Variants in JMJD1C observed in about 807,000 individuals in gnomAD.
The protein encoded by JMJD1C is jumonji domain-containing protein 1C.
A neutral mutation model predicts 245.3 loss-of-function variants in JMJD1C; 31 were observed. The ratio of observed to expected loss-of-function variants is 0.13; its 90% confidence interval spans 0.09 to 0.17. The LOEUF (loss-of-function observed/expected upper bound fraction) is 0.17. Among genes scored for constraint, JMJD1C ranks in the 10% least tolerant of loss-of-function variants. The pLI is 1.00. For synonymous variants in JMJD1C, 1,057 were observed against 1,017.4 expected, an observed-to-expected ratio of 1.04 and a Z score of -0.74; for missense variants, 2,691 against 3,000.2, an observed-to-expected ratio of 0.90 and a Z score of 2.41.
intron 1 of JMJD1C, among the ~76,000 whole-genome samples, chr10:63,388,784 A>G (rs1947823643): frequency 6.6e-6 from 1 of 152,224 alleles, no homozygotes; most frequent in South Asian, 2.1e-4. Context: ...TATGCTGCCC[A>G]AAAGAAACTC....
chr10:63,473,455 C>T (rs1185188119), intron 1 of JMJD1C, among the ~76,000 whole-genome samples: 1 of 151,590 alleles, frequency 6.6e-6, no homozygotes, highest in Non-Finnish European at 1.5e-5. Flanking sequence ...CTATGTTGGC[C>T]AGGCTAGTCT....
Position 63,207,227 on chromosome 10 carries a change from T to C in JMJD1C, c.4442A>G (p.His1481Arg). Residue 1481 changes from histidine to arginine, a missense_variant, in exon 10 of 26, where the codon CAT becomes CGT. By Grantham distance (29) the His-to-Arg change is conservative (BLOSUM62 0). Around this residue, in one of 9 missense-constraint regions of JMJD1C, gnomAD observed 1,562 missense variants for 1,490.7 expected, o/e 1.05. Transcript: ENST00000399262. ...SGFSGTTDFIHLKKHKAALAA... is the reference protein window; with the variant it reads ...SGFSGTTDFIRLKKHKAALAA... ...CAATGCTGCCTTGTGCTTTTTTAAA[T>C]GGATAAAATCAGTTGTGCCTGAGAA... 2 of 1,614,178 alleles carry C rather than the reference T, an allele frequency of 1.2e-6. No individual in the cohort carries two copies. The highest frequency in any genetic ancestry group is 1.7e-6 in the Non-Finnish European group (2 of 1,180,032).
intron 1 of JMJD1C, among the ~76,000 whole-genome samples, chr10:63,445,468 G>A (rs1011182056): frequency 6.6e-6 from 1 of 152,140 alleles, no homozygotes; most frequent in Admixed American, 6.5e-5. Context: ...GCCATAAGGG[G>A]AGACCAGACC....
At chr10:63,292,371 G>T (rs1325365429) in intron 2 of JMJD1C, among the ~76,000 whole-genome samples, 1 of 151,778 alleles carries the variant, frequency 6.6e-6, no homozygotes, top group Non-Finnish European at 1.5e-5. Flanking sequence ...CAACACTTTG[G>T]GGGGCCAAGG....
Position 63,312,086 on chromosome 10 carries a change from T to C in JMJD1C, c.334-47322A>G, listed in dbSNP as rs201682771. Among the ~76,000 whole-genome samples, 344 of 148,102 alleles carry C rather than the reference T, an allele frequency of 2.3e-3. 3 individuals carry two copies. The South Asian group carries it at 0.029, about 13-fold the overall frequency. ...TCCCCAGACATGGATTTATGACTAG[T>C]AGCTAAACTTTTTTTTTTTTTTTTT... On this transcript the variant is annotated intron_variant, in intron 2 of 25. Coordinates refer to ENST00000399262, the MANE Select transcript of JMJD1C (RefSeq NM_032776.3).
At chr10:63,387,628 A>ATTTTTTTTTTTTTTTTTTTTTTTTTTT (rs1564863555) in intron 1 of JMJD1C, among the ~76,000 whole-genome samples, 1 of 18,526 alleles carries the variant, frequency 5.4e-5, no homozygotes, top group African/African-American at 1.0e-4. Flanking sequence ...AGAAAAAAAA[A>ATTTTTTTTTTTTTTTTTTTTTTTTTTT]ATTTTTTTTT....
At chr10:63,217,689 G>A (rs1848155641) in intron 4 of JMJD1C, 1 of 154,900 alleles carries the variant, frequency 6.5e-6, no homozygotes, top group Non-Finnish European at 1.4e-5. Context: ...CTACATGGTT[G>A]AAACAGAAAG....
intron 2 of JMJD1C, among the ~76,000 whole-genome samples, chr10:63,314,741 G>A (rs1256552011): frequency 6.6e-6 from 1 of 151,700 alleles, no homozygotes; most frequent in African/African-American, 2.4e-5. Context: ...TCCACCACCT[G>A]GGTTCAAGCG....
At chr10:63,311,849 T>C (rs554614747) in intron 2 of JMJD1C, among the ~76,000 whole-genome samples, 1 of 152,022 alleles carries the variant, frequency 6.6e-6, no homozygotes, top group South Asian at 2.1e-4. Flanking sequence ...TGGTCTGGAA[T>C]AAGTAGGCAA....
rs372354793 is a variant in JMJD1C, at chr10:63,263,965, C to T, written c.447+686G>A. Reference sequence around the variant, plus strand: ...AAAAAAAAAAAAATACACATACACACACACACACACACACACACACACACA... The same window carrying T: ...AAAAAAAAAAAAATACACATACACATACACACACACACACACACACACACA... On this transcript the variant is annotated intron_variant, in intron 3 of 25. Transcript: ENST00000399262. Among the ~76,000 whole-genome samples the T allele has an allele frequency of 4.6e-3, 351 of 76,404 alleles. 1 individual carries two copies. Among genetic ancestry groups the T allele is most frequent in the African/African-American group, 0.023 (325 of 13,880 alleles). 50.1% of individuals were successfully genotyped at this position (76,404 alleles called of 152,430 possible). A position where few individuals can be genotyped will look rare whatever the true frequency, so the allele number is the denominator to read the frequency against.
At chr10:63,195,676 C>T (rs1224325690) in intron 13 of JMJD1C, among the ~76,000 whole-genome samples, 3 of 152,146 alleles carry the variant, frequency 2.0e-5, no homozygotes, top group Admixed American at 6.5e-5. Flanking sequence ...CATGGTGGCT[C>T]ACGCTTGTAA....
At chr10:63,396,875 T>A (rs1383005249) in intron 1 of JMJD1C, among the ~76,000 whole-genome samples, 1 of 151,158 alleles carries the variant, frequency 6.6e-6, no homozygotes, top group Non-Finnish European at 1.5e-5. Context: ...TCATAGAAAT[T>A]TTCATTTTTT....
At position 63,314,210 on chromosome 10, in the gene JMJD1C, G is replaced by A. The variant is rs575498294; in HGVS notation, c.334-49446C>T. 9.2e-5 allele frequency among the ~76,000 whole-genome samples: 14 copies of A among 152,296 alleles called. No homozygotes were observed. The South Asian group carries it at 2.9e-3, about 32-fold the overall frequency. ...CCCACTTCATGTTTTTGTTTGTTTT[G>A]TTGAGGATCAGTTGGCTGTAACTAT... On this transcript the variant is annotated intron_variant, in intron 2 of 25. Coordinates refer to ENST00000399262, the MANE Select transcript of JMJD1C (RefSeq NM_032776.3).
rs566443452 is a variant in JMJD1C at position 63,251,223 on chromosome 10, A to C, written c.447+13428T>G. 4.6e-5 allele frequency among the ~76,000 whole-genome samples: 7 copies of C among 152,346 alleles called. No individual in the cohort carries two copies. The South Asian group carries it at 8.3e-4, about 18-fold the overall frequency. On this transcript the variant is annotated intron_variant, in intron 3 of 25. Transcript: ENST00000399262. ...AAAAATGGCTATTCCATAAATGGCA[A>C]ATGGGAAAAGGGCTGTCAATTGGGA...
chr10:63,243,252 C>T (rs1851749971), intron 3 of JMJD1C, among the ~76,000 whole-genome samples: 2 of 151,668 alleles, frequency 1.3e-5, no homozygotes, highest in African/African-American at 2.4e-5. Flanking sequence ...TTTGGCCAGG[C>T]GTGGTGGCTC....
intron 1 of JMJD1C, among the ~76,000 whole-genome samples, chr10:63,479,191 T>C (rs1953753864): frequency 6.6e-6 from 1 of 151,704 alleles, no homozygotes; most frequent in South Asian, 2.1e-4. Context: ...TCAAACTTAA[T>C]GAGAGAGAGA....
intron 2 of JMJD1C, among the ~76,000 whole-genome samples, chr10:63,365,152 G>T (rs1289614022): frequency 1.3e-5 from 2 of 152,168 alleles, no homozygotes; most frequent in African/African-American, 4.8e-5. Flanking sequence ...TGCCAATTCA[G>T]CATTTAAAAT....
At chr10:63,459,515 T>C (rs1952638485) in intron 1 of JMJD1C, among the ~76,000 whole-genome samples, 1 of 152,214 alleles carries the variant, frequency 6.6e-6, no homozygotes, top group Non-Finnish European at 1.5e-5. Context: ...TTCTTATTTG[T>C]AAATATTTAG....
At chr10:63,440,332 T>C (rs1246019786) in intron 1 of JMJD1C, among the ~76,000 whole-genome samples, 6 of 126,138 alleles carry the variant, frequency 4.8e-5, no homozygotes, top group African/African-American at 1.8e-4. Context: ...CAACACTCTG[T>C]CTCAAAAGAA....
Sources: gnomAD v4.1 joint callset for allele counts (sites outside exome capture counted in the v4.1 genomes callset) on GRCh38, gnomAD v4.1.1 for gene constraint, gnomAD v4.1.1 regional missense constraint, MANE v1.5 for transcripts, NCBI Gene and HGNC (gene_info 2026-07-23, HGNC 2026-07-21) for gene names.